The following SORCS1 variants were observed in gnomAD, a reference collection of about 807,000 sequenced individuals.
SORCS1 encodes the protein sortilin related VPS10 domain containing receptor 1.
In SORCS1, 60 loss-of-function variants were observed where a neutral mutation model predicts 146.1. The observed-to-expected ratio is 0.41, with a 90% confidence interval of 0.33 to 0.51. The LOEUF (loss-of-function observed/expected upper bound fraction) is 0.51. Among genes scored for constraint, SORCS1 ranks in the 20% least tolerant of loss-of-function variants. The pLI is 0.21. For missense variants in SORCS1, 1,352 were observed against 1,487.6 expected, an observed-to-expected ratio of 0.91 and a Z score of 1.50; for synonymous variants, 637 against 584.0, an observed-to-expected ratio of 1.09 and a Z score of -1.31.
chr10:106,854,350 A>G (rs985691822), intron 2 of SORCS1, among the ~76,000 whole-genome samples: 6 of 151,990 alleles, frequency 3.9e-5, no homozygotes, highest in Admixed American at 3.3e-4. Flanking sequence ...TTTGTCTTTG[A>G]AGTGGGTTTC....
intron 6 of SORCS1, among the ~76,000 whole-genome samples, chr10:106,727,677 G>C (rs1447557883): frequency 6.6e-6 from 1 of 152,162 alleles, no homozygotes; most frequent in African/African-American, 2.4e-5. Flanking sequence ...TTGTATAAAA[G>C]CAATCAAAAT....
intron 2 of SORCS1, among the ~76,000 whole-genome samples, chr10:106,855,291 G>GT (rs917782046): frequency 7.9e-5 from 12 of 151,876 alleles, no homozygotes; most frequent in African/African-American, 2.4e-4. Flanking sequence ...CCTTAAAAAA[G>GT]TTTTTTTTAA....
intron 2 of SORCS1, among the ~76,000 whole-genome samples, chr10:106,924,082 C>T (rs1037046335): frequency 1.3e-5 from 2 of 152,024 alleles, no homozygotes; most frequent in Non-Finnish European, 2.9e-5. Flanking sequence ...TGGAGAAACC[C>T]CATCTCTACT....
chr10:106,920,133 C>A (rs546759772), intron 2 of SORCS1, among the ~76,000 whole-genome samples: 1 of 152,174 alleles, frequency 6.6e-6, no homozygotes, highest in Non-Finnish European at 1.5e-5. Flanking sequence ...CACCACTTTA[C>A]ACCAGAACAA....
At chr10:106,754,679 T>C (rs1007813051) in intron 5 of SORCS1, among the ~76,000 whole-genome samples, 3 of 152,192 alleles carry the variant, frequency 2.0e-5, no homozygotes, top group African/African-American at 7.2e-5. Flanking sequence ...AGAATGAGAA[T>C]GTGTATACAT....
chr10:106,805,288 C>A (rs1947106725), intron 3 of SORCS1, among the ~76,000 whole-genome samples: 1 of 151,906 alleles, frequency 6.6e-6, no homozygotes, highest in South Asian at 2.1e-4. Context: ...CGAAACTAAC[C>A]AGGGAGATTT....
intron 2 of SORCS1, among the ~76,000 whole-genome samples, chr10:106,882,478 A>G (rs1025313848): frequency 6.6e-6 from 1 of 151,910 alleles, no homozygotes; most frequent in African/African-American, 2.4e-5. Context: ...CAATTTTTCA[A>G]CTCTCCCATT....
At chr10:106,795,651 T>C (rs1946519607) in intron 3 of SORCS1, among the ~76,000 whole-genome samples, 1 of 152,326 alleles carries the variant, frequency 6.6e-6, no homozygotes, top group Non-Finnish European at 1.5e-5. Flanking sequence ...TAATGGGTGT[T>C]CGTGTGATCT....
chr10:107,004,097 A>T (rs893110914), intron 1 of SORCS1, among the ~76,000 whole-genome samples: 1 of 144,536 alleles, frequency 6.9e-6, no homozygotes. Context: ...AATGGCGTGA[A>T]CCCGGGAGGC....
intron 1 of SORCS1, among the ~76,000 whole-genome samples, chr10:107,017,996 C>T (rs1024880457): frequency 2.6e-5 from 4 of 152,012 alleles, no homozygotes; most frequent in Non-Finnish European, 4.4e-5. Flanking sequence ...TCCTCTGAAG[C>T]AGCTCATAAG....
At chr10:106,879,126 G>A (rs1950717556) in intron 2 of SORCS1, among the ~76,000 whole-genome samples, 1 of 148,372 alleles carries the variant, frequency 6.7e-6, no homozygotes, top group Admixed American at 6.8e-5. Flanking sequence ...CTCCAGCCTG[G>A]GCGACAGAGT....
intron 3 of SORCS1, among the ~76,000 whole-genome samples, chr10:106,810,968 T>G (rs1343985721): frequency 1.4e-5 from 2 of 146,554 alleles, no homozygotes; most frequent in African/African-American, 2.6e-5. Flanking sequence ...TGAGATGGAG[T>G]CTCACTCTGT....
chr10:107,153,183 T>A (rs780155909), intron 1 of SORCS1, among the ~76,000 whole-genome samples: 1 of 152,084 alleles, frequency 6.6e-6, no homozygotes, highest in Non-Finnish European at 1.5e-5. Context: ...TCTGTTTTTT[T>A]TTTCCATCTC....
chr10:106,835,579 C>A (rs372427876), intron 2 of SORCS1, among the ~76,000 whole-genome samples: 1 of 152,140 alleles, frequency 6.6e-6, no homozygotes, highest in South Asian at 2.1e-4. Context: ...AGGATATGTG[C>A]TAGTAGTTTT....
intron 3 of SORCS1, among the ~76,000 whole-genome samples, chr10:106,811,996 T>C (rs995282313): frequency 5.9e-5 from 9 of 151,926 alleles, no homozygotes; most frequent in Admixed American, 2.0e-4. Context: ...CAGAGTTTGT[T>C]TGTTTGTTTG....
At chr10:106,630,065 C>G (rs1034637084) in intron 18 of SORCS1, among the ~76,000 whole-genome samples, 1 of 151,978 alleles carries the variant, frequency 6.6e-6, no homozygotes, top group African/African-American at 2.4e-5. Context: ...AACAAACAAA[C>G]AAAAACCCAA....
At chr10:106,675,443 A>G (rs996651277) in intron 13 of SORCS1, among the ~76,000 whole-genome samples, 1 of 152,166 alleles carries the variant, frequency 6.6e-6, no homozygotes, top group Non-Finnish European at 1.5e-5. Context: ...TGGATATTTT[A>G]TTATATCTTA....
rs376538744 is a variant in SORCS1, at chr10:107,151,787, G to A, written c.558+12182C>T. Among the ~76,000 whole-genome samples the A allele has an allele frequency of 1.2e-3, 180 of 152,260 alleles. 1 individual carries two copies. The highest frequency in any genetic ancestry group is 4.3e-3 in the African/African-American group (178 of 41,562). On this transcript the variant is annotated intron_variant, in intron 1 of 25. Coordinates refer to ENST00000263054, the MANE Select transcript of SORCS1 (RefSeq NM_052918.5). ...TTTGAACTTGAGTTAAATGATTTAG[G>A]GTATCTGGTGGAAGAAATTTCTAAG... is the stretch of plus-strand genomic sequence containing the variant.
chr10:107,162,889 A>T (rs934176031), intron 1 of SORCS1, among the ~76,000 whole-genome samples: 1 of 152,128 alleles, frequency 6.6e-6, no homozygotes. Context: ...AAAACTTGAA[A>T]TTTTTTTCCC....
Sources: gnomAD v4.1 joint callset for allele counts (sites outside exome capture counted in the v4.1 genomes callset) on GRCh38, gnomAD v4.1.1 for gene constraint, MANE v1.5 for transcripts, NCBI Gene and HGNC (gene_info 2026-07-23, HGNC 2026-07-21) for gene names.